ZFTA: variants seen among roughly 807,000 people sequenced by gnomAD.
ZFTA encodes the protein zinc finger translocation associated, also known as zinc finger translocation-associated protein.
ZFTA carries 35 observed loss-of-function variants against 41.8 expected under a neutral mutation model. The ratio of observed to expected loss-of-function variants is 0.84; its 90% CI spans 0.64 to 1.11. The LOEUF is 1.11. ZFTA is among the 50% of genes most tolerant of loss of function. The pLI is 0.00. For missense variants in ZFTA, 964 were observed against 989.8 expected, an observed-to-expected ratio of 0.97 and a Z score of 0.35; for synonymous variants, 514 against 436.4, an observed-to-expected ratio of 1.18 and a Z score of -2.22.
At position 63,763,393 on chromosome 11, in the gene ZFTA, C is replaced by T. The variant is rs2014682619; in HGVS notation, c.*25G>A. 1 of 1,267,100 alleles carries T rather than the reference C, an allele frequency of 7.9e-7. No individual in the cohort carries two copies. Among genetic ancestry groups the T allele is most frequent in the East Asian group, 3.8e-5 (1 of 26,302 alleles). The allele number at this position is 1,267,100 out of a possible 1,614,324, so 78.5% of individuals were successfully genotyped here. A position where few individuals can be genotyped will look rare whatever the true frequency, so the allele number is the denominator to read the frequency against. ...GCGGGGCCGATCCGACCCGACCCGACCTGACCCGGGGGCCCGCTAGGCCGC... is the reference window on the plus strand; with the variant it reads ...GCGGGGCCGATCCGACCCGACCCGATCTGACCCGGGGGCCCGCTAGGCCGC... On this transcript the variant is annotated 3_prime_UTR_variant, in exon 5 of 5. Transcript: ENST00000433688.
rs1441736626 is a variant in ZFTA at position 63,765,209 on chromosome 11, C to A, written c.683G>T (p.Gly228Val). ...ACGCCGAGCCCGGGGTGCCACTGGG[C>A]CCCCTCGCCGCTGGCGCCGGCAGCC... ...GGGCRRQRRG[G>V]PVAPRARRLR... Residue 228 changes from glycine to valine, a missense_variant, in exon 3 of 5, where the codon GGC (glycine) becomes GTC (valine). Physicochemically the swap from Gly to Val is moderately radical, Grantham distance 109 (BLOSUM62 -3). Around this residue, in one of 5 missense-constraint regions of ZFTA, gnomAD observed 584 missense variants for 523.1 expected, o/e 1.12. Coordinates refer to ENST00000433688, the MANE Select transcript of ZFTA (RefSeq NM_001144936.2). The surrounding 1 kb of genome is among the most constrained non-coding windows in gnomAD (Gnocchi z 4.0). The A allele has an allele frequency of 3.4e-6, 5 of 1,475,956 alleles. No homozygotes were observed. Among genetic ancestry groups the A allele is most frequent in the Non-Finnish European group, 3.6e-6 (4 of 1,119,666 alleles). The allele number at this position is 1,475,956 out of a possible 1,614,324, so 91.4% of individuals were successfully genotyped here.
Position 63,764,312 on chromosome 11 carries a change from C to A in ZFTA, c.1311G>T (p.Leu437=). Residue 437 remains leucine (L), a synonymous_variant, in exon 4 of 5, where the codon CTG becomes CTT. Transcript: ENST00000433688. ...GCGCGCCCCCGCACACCCCGCACAC[C>A]AGGCCGCGCCGGCCGCCGTCCAACT... ...LMELDGGRRG[L]VCGVCGGALA... is the part of the protein sequence containing the mutation. The A allele has an allele frequency of 7.2e-7, 1 of 1,395,040 alleles. No individual in the cohort carries two copies. The highest frequency in any genetic ancestry group is 9.3e-7 in the Non-Finnish European group (1 of 1,080,098). The allele number at this position is 1,395,040 out of a possible 1,614,324, so 86.4% of individuals were successfully genotyped here.
Position 63,761,823 on chromosome 11 carries a change from G to T in ZFTA, c.*1595C>A, listed in dbSNP as rs1014647459. On this transcript the variant is annotated 3_prime_UTR_variant, in exon 5 of 5. Coordinates refer to ENST00000433688, the MANE Select transcript of ZFTA (RefSeq NM_001144936.2). The stretch of plus-strand genomic sequence containing the variant: ...CTGGGCCTGAGGCACTTGAACCTTA[G>T]GCTCTGGCCTGGGGGTCAGGGATGA... 6.6e-6 allele frequency: 1 copy of T among 152,320 alleles called. No individual in the cohort carries two copies. Among genetic ancestry groups the T allele is most frequent in the Non-Finnish European group, 1.5e-5 (1 of 68,112 alleles). The allele number at this position is 152,320 out of a possible 1,614,324, so 9.4% of individuals were successfully genotyped here.
chr11:63,763,990 G>A, intron 4 of ZFTA, 48 bp downstream of exon 4: 2 of 1,300,786 alleles, frequency 1.5e-6, no homozygotes, highest in South Asian at 3.6e-5. Context: ...TTCTGCCCCA[G>A]CAACTGCCCG....
chr11:63,764,762 C>G, intron 3 of ZFTA, 106 bp downstream of exon 3: 1 of 1,399,008 alleles, frequency 7.1e-7, no homozygotes. Flanking sequence ...GCACCAGCTC[C>G]TGGCCTTCAG....
rs1213309951 is a variant in ZFTA at position 63,765,132 on chromosome 11, G to GGGCCCCC, written c.753_759dup (p.Arg254GlyfsTer26). 2 of 1,547,294 alleles carry GGGCCCCC rather than the reference G, an allele frequency of 1.3e-6. No individual in the cohort carries two copies. Among genetic ancestry groups the GGGCCCCC allele is most frequent in the African/African-American group, 1.4e-5 (1 of 72,842 alleles). On this transcript the variant is annotated frameshift_variant, in exon 3 of 5. Transcript: ENST00000433688. LOFTEE classifies it high-confidence loss of function. The surrounding 1 kb of genome is among the most constrained non-coding windows in gnomAD (Gnocchi z 4.0). Reference sequence around the variant, plus strand: ...TCCTTCAGCCTCCTCTCCAGGCGCCGGGCCCCCAGCCCCCTGCTGCCCCCG... The same window carrying GGGCCCCC: ...TCCTTCAGCCTCCTCTCCAGGCGCCGGGCCCCCGGCCCCCAGCCCCCTGCTGCCCCCG...
intron 1 of ZFTA, among the ~76,000 whole-genome samples, chr11:63,767,757 T>C (rs1053347363): frequency 3.3e-5 from 5 of 152,052 alleles, no homozygotes; most frequent in African/African-American, 1.2e-4. Context: ...ACAGTCTCCT[T>C]TGAGAGCGAA....
rs2014788055 is a variant in ZFTA, at chr11:63,768,649, G to C, written c.-27C>G. ...CGCTGCGCTGCGGAGCGGGGCCCCGGGGCGGCGGGGCGCGGGGCCGCGGGG... is the reference window on the plus strand; with the variant it reads ...CGCTGCGCTGCGGAGCGGGGCCCCGCGGCGGCGGGGCGCGGGGCCGCGGGG... On this transcript the variant is annotated 5_prime_UTR_variant, in exon 1 of 5. Coordinates refer to ENST00000433688, the MANE Select transcript of ZFTA (RefSeq NM_001144936.2). 5.1e-6 allele frequency: 5 copies of C among 972,874 alleles called. No homozygotes were observed. The highest frequency in any genetic ancestry group is 4.9e-6 in the Non-Finnish European group (4 of 823,068). 60.3% of individuals were successfully genotyped at this position (972,874 alleles called of 1,614,324 possible).
At position 63,764,198 on chromosome 11, in the gene ZFTA, G is replaced by T; in HGVS notation, c.1425C>A (p.Leu475=). Residue 475 remains leucine (L), a synonymous_variant, in exon 4 of 5, where the codon CTC becomes CTA. Coordinates refer to ENST00000433688, the MANE Select transcript of ZFTA (RefSeq NM_001144936.2). ...CCTTCTCGCTCCACTCCCGGGCGAT[G>T]AGGGCCTGGACAGGCCCGCCGAGGC... ...STRLGGPVQA[L]IAREWSEKAA... 1 of 1,396,118 alleles carries T rather than the reference G, an allele frequency of 7.2e-7. No individual in the cohort carries two copies. The highest frequency in any genetic ancestry group is 2.6e-4 in the Middle Eastern group (1 of 3,818). 86.5% of individuals were successfully genotyped at this position (1,396,118 alleles called of 1,614,324 possible).
rs1346226801 is a variant in ZFTA, at chr11:63,761,829, G to C, written c.*1589C>G. The C allele has an allele frequency of 6.6e-6, 1 of 152,302 alleles. No homozygotes were observed. Among genetic ancestry groups the C allele is most frequent in the African/African-American group, 2.4e-5 (1 of 41,464 alleles). 9.4% of individuals were successfully genotyped at this position (152,302 alleles called of 1,614,324 possible). On this transcript the variant is annotated 3_prime_UTR_variant, in exon 5 of 5. Transcript: ENST00000433688. ...CTGAGGCACTTGAACCTTAGGCTCT[G>C]GCCTGGGGGTCAGGGATGAGAGGAG...
intron 3 of ZFTA, 29 bp downstream of exon 3, chr11:63,764,835 TGAGG>T (rs1244263908): frequency 1.4e-6 from 2 of 1,445,978 alleles, no homozygotes; most frequent in South Asian, 2.9e-5. Context: ...AGCCCCAGTA[TGAGG>T]GGGTCTCAGC....
At chr11:63,768,387 C>T in intron 1 of ZFTA, 97 bp downstream of exon 1, 4 of 787,226 alleles carry the variant, frequency 5.1e-6, no homozygotes, top group Non-Finnish European at 6.3e-6. Context: ...CTGCCCGCGT[C>T]CCCCGCTTTG....
At chr11:63,768,312 C>CG (rs1474226388) in intron 1 of ZFTA, among the ~76,000 whole-genome samples, 172 bp downstream of exon 1, 2 of 149,368 alleles carry the variant, frequency 1.3e-5, no homozygotes, top group Admixed American at 6.6e-5. Context: ...GGGAGCTGGG[C>CG]GGGGGGCTCC....
Position 63,763,405 on chromosome 11 carries a change from G to C in ZFTA, c.*13C>G, listed in dbSNP as rs529832552. 7.8e-7 allele frequency: 1 copy of C among 1,281,842 alleles called. No homozygotes were observed. Among genetic ancestry groups the C allele is most frequent in the African/African-American group, 1.6e-5 (1 of 62,426 alleles). 79.4% of individuals were successfully genotyped at this position (1,281,842 alleles called of 1,614,324 possible). A position where few individuals can be genotyped will look rare whatever the true frequency, so the allele number is the denominator to read the frequency against. On this transcript the variant is annotated 3_prime_UTR_variant, in exon 5 of 5. Transcript: ENST00000433688. Reference sequence around the variant, plus strand: ...CGACCCGACCCGACCTGACCCGGGGGCCCGCTAGGCCGCTACGCCCGACAC... The same window carrying C: ...CGACCCGACCCGACCTGACCCGGGGCCCCGCTAGGCCGCTACGCCCGACAC...
At position 63,764,305 on chromosome 11, in the gene ZFTA, CGCACACCAG is replaced by C. The variant is rs2014707648; in HGVS notation, c.1309_1317del (p.Leu437_Cys439del). The C allele has an allele frequency of 2.1e-6, 3 of 1,420,624 alleles. No individual in the cohort carries two copies. Among genetic ancestry groups the C allele is most frequent in the Non-Finnish European group, 1.8e-6 (2 of 1,092,592 alleles). 88.0% of individuals were successfully genotyped at this position (1,420,624 alleles called of 1,614,324 possible). On this transcript the variant is annotated inframe_deletion, in exon 4 of 5. Transcript: ENST00000433688. ...GAGGCCAGCGCGCCCCCGCACACCCCGCACACCAGGCCGCGCCGGCCGCCGTCCAACTCC... is the reference window on the plus strand; with the variant it reads ...GAGGCCAGCGCGCCCCCGCACACCCCGCCGCGCCGGCCGCCGTCCAACTCC...
Position 63,764,088 on chromosome 11 carries a change from T to A in ZFTA, c.1535A>T (p.Glu512Val). ...CTCCTCCTCCTCGTCCCCTCCCCCC[T>A]CGTCGGAGGCTGCGGCAGTGCCGGG... ...IPPGTAAASDEGGGDEEEEPE... is the reference protein window; with the variant it reads ...IPPGTAAASDVGGGDEEEEPE... Residue 512 changes from glutamate (E) to valine (V), a missense_variant, in exon 4 of 5, where the codon GAG becomes GTG. By Grantham distance (121) the Glu-to-Val change is moderately radical. This residue lies in a region of ZFTA where 584 missense variants were observed against 523.1 expected (regional missense o/e 1.12). Transcript: ENST00000433688. 2 of 1,334,562 alleles carry A rather than the reference T, an allele frequency of 1.5e-6. No individual in the cohort carries two copies. The highest frequency in any genetic ancestry group is 1.9e-6 in the Non-Finnish European group (2 of 1,047,140). The allele number at this position is 1,334,562 out of a possible 1,614,324, so 82.7% of individuals were successfully genotyped here.
rs191681440 is a variant in ZFTA, at chr11:63,760,926, G to C, written c.*2492C>G. The C allele has an allele frequency of 6.6e-6, 1 of 152,198 alleles. No homozygotes were observed. The highest frequency in any genetic ancestry group is 1.5e-5 in the Non-Finnish European group (1 of 68,056). The allele number at this position is 152,198 out of a possible 1,614,324, so 9.4% of individuals were successfully genotyped here. ...GTGTGTTTGGGGCTGTCTCAGTAAA[G>C]ATGTCCACTCTCCTGAGGCCTCTCT... On this transcript the variant is annotated 3_prime_UTR_variant, in exon 5 of 5. Coordinates refer to ENST00000433688, the MANE Select transcript of ZFTA (RefSeq NM_001144936.2).
intron 3 of ZFTA, 105 bp from the exon 4 acceptor site, chr11:63,764,703 G>T: frequency 1.5e-6 from 2 of 1,326,410 alleles, no homozygotes; most frequent in African/African-American, 1.5e-5. Context: ...CCAAGCTAGA[G>T]GCCCCAGTCT....
chr11:63,764,624 G>A, intron 3 of ZFTA, 26 bp from the exon 4 acceptor site: 2 of 1,262,408 alleles, frequency 1.6e-6, no homozygotes, highest in Non-Finnish European at 1.0e-6. Flanking sequence ...TGAGGGAGAG[G>A]GGCTCAGCCT....
Sources: allele counts gnomAD v4.1 joint callset (sites outside exome capture counted in the v4.1 genomes callset), GRCh38; gene constraint gnomAD v4.1.1; regional missense constraint gnomAD v4.1.1; non-coding constraint Gnocchi (gnomAD v3.1); transcripts MANE v1.5; gene names NCBI Gene and HGNC (gene_info 2026-07-23, HGNC 2026-07-21).